Variants in VTCN1 observed in about 807,000 individuals in gnomAD.
The protein encoded by VTCN1 is V-set domain containing T cell activation inhibitor 1, also known as V-set domain-containing T-cell activation inhibitor 1.
VTCN1 carries 26 observed loss-of-function variants against 26.5 expected under a neutral mutation model. The observed-to-expected ratio is 0.98, with a 90% CI of 0.72 to 1.36. The LOEUF is 1.36. Among genes scored for constraint, VTCN1 ranks in the 40% most tolerant of loss-of-function variants. VTCN1 has a pLI of 0.00. For missense variants in VTCN1, 298 were observed against 337.7 expected (o/e 0.88, Z 0.92); for synonymous variants, 116 against 130.7 (o/e 0.89, Z 0.77).
intron 4 of VTCN1, among the ~76,000 whole-genome samples, chr1:117,151,319 G>C (rs1241654378): frequency 6.6e-6 from 1 of 152,018 alleles, no homozygotes; most frequent in Non-Finnish European, 1.5e-5. Flanking sequence ...TGGGTTTGTG[G>C]TCTCACTGAC....
At chr1:117,195,850 A>G (rs1308521526) in intron 1 of VTCN1, among the ~76,000 whole-genome samples, 1 of 152,160 alleles carries the variant, frequency 6.6e-6, no homozygotes, top group East Asian at 1.9e-4. Context: ...TATAGTGTTG[A>G]CTAAAATTAA....
Position 117,170,131 on chromosome 1 carries a change from G to C in VTCN1, c.73C>G (p.Leu25Val). 1 of 1,613,944 alleles carries C rather than the reference G, an allele frequency of 6.2e-7. No individual in the cohort carries two copies. The highest frequency in any genetic ancestry group is 8.5e-7 in the Non-Finnish European group (1 of 1,179,908). ...IIIILAGAIALIIGFGISGRH... is the reference protein window; with the variant it reads ...IIIILAGAIAVIIGFGISGRH... ...CCTGAAATACCAAAGCCAATGATGA[G>C]TGCAATTGCTCCAGCCAGAATAATG... Residue 25 changes from leucine (L) to valine (V), a missense_variant, in exon 2 of 6, where the codon CTC becomes GTC. Coordinates refer to ENST00000369458, the MANE Select transcript of VTCN1 (RefSeq NM_024626.4).
In VTCN1 at chr1:117,175,917, C is replaced by G. The variant is rs560728295; in HGVS notation, c.33-5746G>C. 1.1e-4 allele frequency among the ~76,000 whole-genome samples: 17 copies of G among 151,950 alleles called. No homozygotes were observed. Among genetic ancestry groups the G allele is most frequent in the Non-Finnish European group, 1.8e-4 (12 of 68,008 alleles). ...TCCCGAGTAGCTGGGATTACAGGCA[C>G]GTGCCACCACGCCCGGCTAATTTTT... On this transcript the variant is annotated intron_variant, in intron 1 of 5. Transcript: ENST00000369458. This position sits in a 1 kb window ranked among gnomAD's most constrained non-coding sequence, Gnocchi z 4.2.
At chr1:117,208,007 C>T (rs1395251413) in intron 1 of VTCN1, among the ~76,000 whole-genome samples, 6 of 152,156 alleles carry the variant, frequency 3.9e-5, no homozygotes, top group Non-Finnish European at 7.3e-5. Context: ...ACCTTGACCC[C>T]CCTCTGAAGG....
intron 2 of VTCN1, among the ~76,000 whole-genome samples, chr1:117,164,027 A>T (rs1652493316): frequency 6.6e-6 from 1 of 152,114 alleles, no homozygotes; most frequent in South Asian, 2.1e-4. Context: ...TTAGGGGTGT[A>T]TGTCTGCTGC....
At chr1:117,157,092 GATATATATATAT>G (rs145887761) in intron 2 of VTCN1, 171 bp from the exon 3 acceptor site, 7 of 557,770 alleles carry the variant, frequency 1.3e-5, no homozygotes, top group East Asian at 4.4e-5. Flanking sequence ...CAATCATTTT[GATATATATATAT>G]ATATATATAT....
At position 117,143,587 on chromosome 1, in the gene VTCN1, T is replaced by A. The variant is rs1370133954; in HGVS notation, c.*1684A>T. The A allele has an allele frequency of 6.6e-6, 1 of 152,186 alleles. No homozygotes were observed. Among genetic ancestry groups the A allele is most frequent in the Non-Finnish European group, 1.5e-5 (1 of 68,042 alleles). The allele number at this position is 152,186 out of a possible 1,614,324, so 9.4% of individuals were successfully genotyped here. A position where few individuals can be genotyped will look rare whatever the true frequency, so the allele number is the denominator to read the frequency against. On this transcript the variant is annotated 3_prime_UTR_variant, in exon 6 of 6. Transcript: ENST00000369458. Reference sequence around the variant, plus strand: ...TTTTTTTGACAAACCAGGCAGACAATGGTGTAGGAAATGTATATTTAATCA... The same window carrying A: ...TTTTTTTGACAAACCAGGCAGACAAAGGTGTAGGAAATGTATATTTAATCA...
chr1:117,165,041 T>C (rs1401365413), intron 2 of VTCN1, among the ~76,000 whole-genome samples: 1 of 152,246 alleles, frequency 6.6e-6, no homozygotes. Flanking sequence ...GTTTTATGTT[T>C]TCAAAAGCTG....
chr1:117,202,455 T>C (rs896225859), intron 1 of VTCN1, among the ~76,000 whole-genome samples: 1 of 152,158 alleles, frequency 6.6e-6, no homozygotes, highest in African/African-American at 2.4e-5. Context: ...CTGTGTTGAA[T>C]GCTGAAGTGA....
rs200266644 is a variant in VTCN1 at position 117,156,682 on chromosome 1, C to G, written c.337G>C (p.Ala113Pro). Reference sequence around the variant, plus strand: ...TGCACGTTTTTCAGCCGCAAAGAGGCATTGCCAACTATCACTTGATCAGCA... The same window carrying G: ...TGCACGTTTTTCAGCCGCAAAGAGGGATTGCCAACTATCACTTGATCAGCA... ...VFADQVIVGN[A>P]SLRLKNVQLT... Residue 113 changes from alanine (A) to proline (P), a missense_variant, in exon 3 of 6, where the codon GCC (alanine) becomes CCC (proline). Transcript: ENST00000369458. 33 of 1,614,078 alleles carry G rather than the reference C, an allele frequency of 2.0e-5. No individual in the cohort carries two copies. The highest frequency in any genetic ancestry group is 1.6e-4 in the Middle Eastern group (1 of 6,084).
chr1:117,198,091 G>C (rs971847195), intron 1 of VTCN1, among the ~76,000 whole-genome samples: 1 of 152,174 alleles, frequency 6.6e-6, no homozygotes, highest in East Asian at 1.9e-4. Flanking sequence ...ACCTTACTCA[G>C]CTACAGTTAA....
At chr1:117,192,219 C>A (rs1054718512) in intron 1 of VTCN1, among the ~76,000 whole-genome samples, 3 of 152,034 alleles carry the variant, frequency 2.0e-5, no homozygotes, top group African/African-American at 7.2e-5. Context: ...AGAAGTCTTA[C>A]AGGCCAGGAA....
At chr1:117,206,111 C>G (rs1236560098) in intron 1 of VTCN1, among the ~76,000 whole-genome samples, 1 of 151,468 alleles carries the variant, frequency 6.6e-6, no homozygotes, top group African/African-American at 2.4e-5. Context: ...GTCTCAGATT[C>G]ACGACAACAA....
At chr1:117,165,560 C>A (rs1372940251) in intron 2 of VTCN1, among the ~76,000 whole-genome samples, 1 of 152,046 alleles carries the variant, frequency 6.6e-6, no homozygotes, top group Non-Finnish European at 1.5e-5. Flanking sequence ...TTATGTGGCA[C>A]CTCCCCACCA....
chr1:117,152,140 C>T (rs1222975559), intron 4 of VTCN1, among the ~76,000 whole-genome samples: 1 of 152,048 alleles, frequency 6.6e-6, no homozygotes, highest in African/African-American at 2.4e-5. Context: ...AATATTTTCT[C>T]CCATTCCATA....
chr1:117,181,253 C>CAAA (rs5777301), intron 1 of VTCN1, among the ~76,000 whole-genome samples: 4 of 126,910 alleles, frequency 3.2e-5, no homozygotes, highest in Non-Finnish European at 4.8e-5. Flanking sequence ...CCTGTCTTTA[C>CAAA]AAAAAAAAAA....
intron 1 of VTCN1, among the ~76,000 whole-genome samples, chr1:117,207,761 G>C (rs181364764): frequency 3.3e-5 from 5 of 152,234 alleles, no homozygotes; most frequent in Non-Finnish European, 4.4e-5. Flanking sequence ...AGTCATTCCA[G>C]GATCTGCCCC....
At chr1:117,162,259 A>T (rs1652404793) in intron 2 of VTCN1, among the ~76,000 whole-genome samples, 1 of 152,222 alleles carries the variant, frequency 6.6e-6, no homozygotes, top group Admixed American at 6.5e-5. Context: ...TCAATAAAAT[A>T]CTTGTTTGTT....
At position 117,184,264 on chromosome 1, in the gene VTCN1, G is replaced by A. The variant is rs371076405; in HGVS notation, c.33-14093C>T. 2.6e-5 allele frequency among the ~76,000 whole-genome samples: 4 copies of A among 152,188 alleles called. No homozygotes were observed. The East Asian group carries it at 7.7e-4, about 29-fold the overall frequency. On this transcript the variant is annotated intron_variant, in intron 1 of 5. Transcript: ENST00000369458. The stretch of plus-strand genomic sequence containing the variant: ...TATCAAGAACCTTAAGATATGGAAG[G>A]CATTTGTTAGGCCAGTCCAGAGTCA...
Sources: gnomAD v4.1 joint callset for allele counts (sites outside exome capture counted in the v4.1 genomes callset) on GRCh38, gnomAD v4.1.1 for gene constraint, Gnocchi (gnomAD v3.1) non-coding constraint, MANE v1.5 for transcripts, NCBI Gene and HGNC (gene_info 2026-07-23, HGNC 2026-07-21) for gene names.